The following EYS variants were observed in gnomAD, a reference collection of about 807,000 sequenced individuals.
EYS encodes EGF-like photoreceptor maintenance factor.
Under a neutral mutation model 282.1 loss-of-function variants are expected in EYS, and 250 were observed. That is an observed-to-expected ratio of 0.89 (90% confidence interval 0.80 to 0.98). The LOEUF is 0.98. EYS is among the 50% of genes least tolerant of loss of function. The pLI, the probability that EYS is intolerant of heterozygous loss-of-function variation, is 0.00. For synonymous variants in EYS, 1,355 were observed against 1,282.9 expected (o/e 1.06, Z -1.20); for missense variants, 4,016 against 3,709.0 (o/e 1.08, Z -2.15).
At chr6:65,471,355 C>A (rs547237403) in intron 5 of EYS, among the ~76,000 whole-genome samples, 25 of 151,250 alleles carry the variant, frequency 1.7e-4, no homozygotes, top group Non-Finnish European at 2.1e-4. Context: ...GAGATCACAT[C>A]ACTGCATTCT....
At chr6:65,182,648 T>C (rs940133768) in intron 12 of EYS, among the ~76,000 whole-genome samples, 3 of 151,830 alleles carry the variant, frequency 2.0e-5, no homozygotes, top group Admixed American at 1.3e-4. Context: ...TAGTCTCAAT[T>C]TTGTTTAATT....
intron 34 of EYS, among the ~76,000 whole-genome samples, chr6:63,985,940 G>T (rs910760525): frequency 2.0e-5 from 3 of 151,636 alleles, no homozygotes; most frequent in Non-Finnish European, 4.4e-5. Context: ...CTAATTAAAC[G>T]TGAGAACTTC....
chr6:65,171,674 G>A (rs940497036), intron 12 of EYS, among the ~76,000 whole-genome samples: 1 of 151,288 alleles, frequency 6.6e-6, no homozygotes, highest in Non-Finnish European at 1.5e-5. Flanking sequence ...ACCCTACCAA[G>A]CAAACACTGC....
intron 40 of EYS, among the ~76,000 whole-genome samples, chr6:63,774,173 T>TA (rs1770002348): frequency 1.3e-5 from 2 of 151,800 alleles, no homozygotes; most frequent in African/African-American, 4.9e-5. Flanking sequence ...ACACTGCTTT[T>TA]CTTTTTTTTT....
At chr6:64,400,555 C>A (rs1237988603) in intron 28 of EYS, 1 of 152,038 alleles carries the variant, frequency 6.6e-6, no homozygotes. Context: ...GCAGTTGTAT[C>A]TTTCCCCTTA....
intron 41 of EYS, among the ~76,000 whole-genome samples, chr6:63,738,262 ATGC>A (rs533160397): frequency 1.1e-3 from 163 of 152,238 alleles, no homozygotes; most frequent in African/African-American, 3.7e-3. Context: ...ACTATAAATC[ATGC>A]TGCTGTAAAG....
intron 2 of EYS, among the ~76,000 whole-genome samples, chr6:65,610,150 T>C (rs564526199): frequency 2.6e-5 from 4 of 152,172 alleles, no homozygotes; most frequent in African/African-American, 9.6e-5. Flanking sequence ...CAAGTGAACC[T>C]TTCCCCTTAG....
At chr6:63,829,756 A>C (rs1487041642) in intron 36 of EYS, among the ~76,000 whole-genome samples, 1 of 152,234 alleles carries the variant, frequency 6.6e-6, no homozygotes, top group African/African-American at 2.4e-5. Context: ...GAATGGACAG[A>C]CTGCCTCCTC....
intron 36 of EYS, among the ~76,000 whole-genome samples, chr6:63,813,867 T>C (rs1409557531): frequency 6.6e-6 from 1 of 152,206 alleles, no homozygotes; most frequent in Non-Finnish European, 1.5e-5. Context: ...CCAACCATCA[T>C]GTTCAGCAGT....
intron 26 of EYS, among the ~76,000 whole-genome samples, chr6:64,582,779 G>A (rs900054109): frequency 1.3e-5 from 2 of 152,088 alleles, no homozygotes; most frequent in Non-Finnish European, 2.9e-5. Flanking sequence ...AGTGACTAGT[G>A]GGAATGAAAT....
intron 2 of EYS, among the ~76,000 whole-genome samples, chr6:65,540,029 T>A (rs1768105161): frequency 6.6e-6 from 1 of 152,228 alleles, no homozygotes; most frequent in Non-Finnish European, 1.5e-5. Context: ...TAAAAAAGTT[T>A]AGACTGATAT....
At chr6:64,109,565 A>C (rs1773140274) in intron 31 of EYS, among the ~76,000 whole-genome samples, 1 of 152,180 alleles carries the variant, frequency 6.6e-6, no homozygotes, top group Non-Finnish European at 1.5e-5. Context: ...TTAATGAATA[A>C]ATGACTACCA....
chr6:64,735,024 T>C (rs968295667), intron 22 of EYS, among the ~76,000 whole-genome samples: 8 of 152,184 alleles, frequency 5.3e-5, no homozygotes, highest in Non-Finnish European at 1.2e-4. Flanking sequence ...TGCACTATAT[T>C]ATAAGACTGA....
In EYS at chr6:65,368,651, G is replaced by A. The variant is rs553050230; in HGVS notation, c.1300-15034C>T. Reference sequence around the variant, plus strand: ...TGTTGTTTGCTTATTTAAAATATGAGAGTAATTTAAATTATTAAAATATAT... The same window carrying A: ...TGTTGTTTGCTTATTTAAAATATGAAAGTAATTTAAATTATTAAAATATAT... On this transcript the variant is annotated intron_variant, in intron 8 of 42. Coordinates refer to ENST00000503581, the MANE Select transcript of EYS (RefSeq NM_001142800.2). Among the ~76,000 whole-genome samples the A allele has an allele frequency of 2.6e-5, 4 of 151,740 alleles. No individual in the cohort carries two copies. In the Admixed American group the frequency reaches 2.7e-4, roughly 10 times the overall value.
chr6:64,706,799 A>C (rs1771033730), intron 22 of EYS, among the ~76,000 whole-genome samples: 1 of 152,150 alleles, frequency 6.6e-6, no homozygotes, highest in African/African-American at 2.4e-5. Flanking sequence ...CCAAAATAAA[A>C]AAAATCAAAA....
At chr6:64,897,297 A>G (rs1767505162) in intron 18 of EYS, among the ~76,000 whole-genome samples, 1 of 152,184 alleles carries the variant, frequency 6.6e-6, no homozygotes, top group Admixed American at 6.5e-5. Context: ...TCCACTGGTG[A>G]TACCCAGGCA....
chr6:63,769,768 T>C (rs60829799), intron 40 of EYS, among the ~76,000 whole-genome samples: 12,382 of 152,116 alleles, frequency 0.081, 562 homozygotes, highest in East Asian at 0.16. Flanking sequence ...GCTTAGAACT[T>C]CTATGGGTTA....
rs984480195 is a variant in EYS, at chr6:65,203,947, G to GA, written c.2023+91915dup. ...AGCTGAAAGCTTTAACAGTAGAGTAGAAAAAAGCAGAAGAATTTCAGAGCT... is the reference window on the plus strand; with the variant it reads ...AGCTGAAAGCTTTAACAGTAGAGTAGAAAAAAAGCAGAAGAATTTCAGAGCT... On this transcript the variant is annotated intron_variant, in intron 12 of 42. Transcript: ENST00000503581. Among the ~76,000 whole-genome samples, 6 of 151,936 alleles carry GA rather than the reference G, an allele frequency of 3.9e-5. No homozygotes were observed. In the East Asian group the frequency reaches 7.7e-4, roughly 20 times the overall value.
chr6:65,331,575 A>C, intron 11 of EYS: 1 of 974,362 alleles, frequency 1.0e-6, no homozygotes, highest in Non-Finnish European at 1.2e-6. Flanking sequence ...GATAAATTAC[A>C]AAAATTTTGT....
Sources: allele counts gnomAD v4.1 joint callset (sites outside exome capture counted in the v4.1 genomes callset), GRCh38; gene constraint gnomAD v4.1.1; transcripts MANE v1.5; gene names NCBI Gene and HGNC (gene_info 2026-07-23, HGNC 2026-07-21).